The following TENM3 variants were observed in gnomAD, a reference collection of about 807,000 sequenced individuals.
The protein encoded by TENM3 is teneurin-3.
Under a neutral mutation model 255.1 loss-of-function variants are expected in TENM3, and 63 were observed. The ratio of observed to expected loss-of-function variants is 0.25; its 90% confidence interval spans 0.20 to 0.30. TENM3 has a LOEUF of 0.30. TENM3 is among the 10% of genes least tolerant of loss of function. TENM3 has a pLI of 1.00. For missense variants in TENM3, 2,929 were observed against 3,461.1 expected (o/e 0.85, Z 3.86); for synonymous variants, 1,306 against 1,322.3 (o/e 0.99, Z 0.27).
chr4:182,161,619 A>G (rs71636172), intron 1 of TENM3, among the ~76,000 whole-genome samples: 74,751 of 98,854 alleles, frequency 0.76, 28,912 homozygotes, highest in Admixed American at 0.84. Context: ...ATATGTATAT[A>G]TATATACAAA....
chr4:182,182,249 T>C (rs1166157785), intron 1 of TENM3, among the ~76,000 whole-genome samples: 2 of 152,220 alleles, frequency 1.3e-5, no homozygotes, highest in African/African-American at 2.4e-5. Context: ...TCTATTATTC[T>C]ATGATGCCAA....
At chr4:182,604,946 G>A (rs778504709) in intron 4 of TENM3, among the ~76,000 whole-genome samples, 7 of 152,012 alleles carry the variant, frequency 4.6e-5, no homozygotes, top group South Asian at 4.1e-4. Context: ...AATTGTTAAC[G>A]TCGTTAAAAA....
chr4:181,696,645 T>A, the TENM3 span, among the ~76,000 whole-genome samples: 1 of 152,208 alleles, frequency 6.6e-6, no homozygotes, highest in Non-Finnish European at 1.5e-5. Flanking sequence ...TTACTTATAT[T>A]CTCAGTGCCT....
chr4:181,863,866 A>G, the TENM3 span, among the ~76,000 whole-genome samples: 4 of 152,192 alleles, frequency 2.6e-5, no homozygotes, highest in Non-Finnish European at 5.9e-5. Context: ...TCAACATATT[A>G]TAATATAGTA....
chr4:182,621,686 TAA>T (rs1434510958), intron 4 of TENM3, among the ~76,000 whole-genome samples: 1 of 12,218 alleles, frequency 8.2e-5, no homozygotes, highest in African/African-American at 1.9e-4. Context: ...ATAAAATATA[TAA>T]TATATATTAT....
chr4:182,241,803 G>A (rs1322096859), upstream of TENM3, among the ~76,000 whole-genome samples: 2 of 151,864 alleles, frequency 1.3e-5, no homozygotes, highest in East Asian at 1.9e-4. Flanking sequence ...CACTGGGCCC[G>A]GCTTTCCTTT....
the TENM3 span, among the ~76,000 whole-genome samples, chr4:181,926,303 G>A: frequency 6.6e-6 from 1 of 152,116 alleles, no homozygotes; most frequent in Non-Finnish European, 1.5e-5. Flanking sequence ...AAATATATCA[G>A]GCAAGAGGTA....
intron 1 of TENM3, among the ~76,000 whole-genome samples, chr4:182,173,058 A>G (rs1011605059): frequency 6.6e-6 from 1 of 152,230 alleles, no homozygotes; most frequent in Non-Finnish European, 1.5e-5. Flanking sequence ...GATTCTGAGA[A>G]TAAATGTTAA....
At chr4:182,183,044 C>G (rs1041047153) in intron 1 of TENM3, among the ~76,000 whole-genome samples, 4 of 151,994 alleles carry the variant, frequency 2.6e-5, no homozygotes, top group African/African-American at 9.7e-5. Context: ...AGGACAAACT[C>G]TTTGTTCTGG....
At chr4:182,276,775 G>A (rs1202799543) in intron 1 of TENM3, among the ~76,000 whole-genome samples, 3 of 152,082 alleles carry the variant, frequency 2.0e-5, no homozygotes, top group Non-Finnish European at 4.4e-5. Context: ...TCAAAGTGAC[G>A]TATTTCATAT....
At chr4:182,776,509 G>A (rs1055853299) in intron 24 of TENM3, among the ~76,000 whole-genome samples, 1 of 152,172 alleles carries the variant, frequency 6.6e-6, no homozygotes, top group Non-Finnish European at 1.5e-5. Context: ...GGGCTGTTGA[G>A]CTTGCTGGAT....
At chr4:181,915,152 G>C in the TENM3 span, among the ~76,000 whole-genome samples, 1 of 152,160 alleles carries the variant, frequency 6.6e-6, no homozygotes, top group African/African-American at 2.4e-5. Flanking sequence ...AAATGACTTA[G>C]AGTGCGTCTG....
rs1358050345 is a variant in TENM3 at position 182,680,506 on chromosome 4, T to C, written c.1640-37T>C. 1.9e-6 allele frequency: 3 copies of C among 1,606,000 alleles called. No homozygotes were observed. The South Asian group carries it at 3.3e-5, about 18-fold the overall frequency. Reference sequence around the variant, plus strand: ...TTTCTTTCGGAAGCTCGGTGGAAAGTGTGGCTGTAATTCTTCTGTCGTGTC... The same window carrying C: ...TTTCTTTCGGAAGCTCGGTGGAAAGCGTGGCTGTAATTCTTCTGTCGTGTC... On this transcript the variant is annotated intron_variant, in intron 9 of 27. Coordinates refer to ENST00000511685, the MANE Select transcript of TENM3 (RefSeq NM_001080477.4).
the TENM3 span, among the ~76,000 whole-genome samples, chr4:181,448,153 AATTTTTTTT>A: frequency 1.8e-5 from 2 of 108,730 alleles, no homozygotes; most frequent in African/African-American, 3.7e-5. Context: ...GAAATCCAGT[AATTTTTTTT>A]TTTTTTTTTT....
chr4:181,835,974 C>T, the TENM3 span, among the ~76,000 whole-genome samples: 3 of 152,138 alleles, frequency 2.0e-5, no homozygotes, highest in South Asian at 6.2e-4. Context: ...CTACGTTTGC[C>T]TGTCTCCCTA....
rs1764782031 is a variant in TENM3 at position 182,777,547 on chromosome 4, C to CTGT, written c.5304+2395_5304+2396insGTT. Reference sequence around the variant, plus strand: ...TGTGTGTGTGTGTGTGTGTGTATTTCTTTTTTTTTTTTTTTTTTTTTTTTT... The same window carrying CTGT: ...TGTGTGTGTGTGTGTGTGTGTATTTCTGTTTTTTTTTTTTTTTTTTTTTTTTTT... On this transcript the variant is annotated intron_variant, in intron 24 of 27. Coordinates refer to ENST00000511685, the MANE Select transcript of TENM3 (RefSeq NM_001080477.4). 4.4e-4 allele frequency among the ~76,000 whole-genome samples: 20 copies of CTGT among 45,470 alleles called. 1 individual carries two copies. Among genetic ancestry groups the CTGT allele is most frequent in the African/African-American group, 1.6e-3 (19 of 11,578 alleles). The allele number at this position is 45,470 out of a possible 152,430, so 29.8% of individuals were successfully genotyped here. A position where few individuals can be genotyped will look rare whatever the true frequency, so the allele number is the denominator to read the frequency against.
the TENM3 span, among the ~76,000 whole-genome samples, chr4:181,934,078 G>A: frequency 1.2e-4 from 18 of 151,536 alleles, no homozygotes; most frequent in East Asian, 3.9e-4. Context: ...GTGTGTGTGC[G>A]CGCGCTTTTA....
the TENM3 span, among the ~76,000 whole-genome samples, chr4:181,539,652 G>A: frequency 1.1e-4 from 16 of 152,262 alleles, no homozygotes; most frequent in African/African-American, 3.6e-4. Flanking sequence ...CTAGATCTTA[G>A]AAGTAGGCAA....
the TENM3 span, among the ~76,000 whole-genome samples, chr4:181,774,143 T>C: frequency 3.2e-5 from 3 of 92,972 alleles, no homozygotes; most frequent in Non-Finnish European, 6.2e-5. Flanking sequence ...ATTAGGTATA[T>C]CTCCCAATGC....
Sources: allele counts gnomAD v4.1 joint callset (sites outside exome capture counted in the v4.1 genomes callset), GRCh38; gene constraint gnomAD v4.1.1; transcripts MANE v1.5; gene names NCBI Gene and HGNC (gene_info 2026-07-23, HGNC 2026-07-21).